The following MCTP1 variants were observed in gnomAD, a reference collection of about 807,000 sequenced individuals.
The protein encoded by MCTP1 is multiple C2 and transmembrane domain containing 1.
A neutral mutation model predicts 120.6 loss-of-function variants in MCTP1; 69 were observed. The observed-to-expected ratio is 0.57, with a 90% CI of 0.47 to 0.70. The LOEUF (loss-of-function observed/expected upper bound fraction) is 0.70, where lower values mean the gene tolerates loss of function less well. Ranked by LOEUF, MCTP1 falls within the 30% of genes least tolerant of loss-of-function variation. The pLI, the probability that MCTP1 is intolerant of heterozygous loss-of-function variation, is 0.00. For missense variants in MCTP1, 1,203 were observed against 1,248.8 expected, an observed-to-expected ratio of 0.96 and a Z score of 0.55; for synonymous variants, 529 against 493.1, an observed-to-expected ratio of 1.07 and a Z score of -0.96.
intron 1 of MCTP1, among the ~76,000 whole-genome samples, chr5:95,257,889 G>A (rs1562283162): frequency 6.6e-6 from 1 of 151,826 alleles, no homozygotes; most frequent in Admixed American, 6.6e-5. Context: ...AATGGCCTGT[G>A]CCAGAACAAT....
At chr5:95,203,081 T>C (rs895930890) in intron 1 of MCTP1, among the ~76,000 whole-genome samples, 4 of 152,190 alleles carry the variant, frequency 2.6e-5, no homozygotes, top group African/African-American at 9.7e-5. Context: ...CTTTCTTTGA[T>C]TATTTCCTCT....
At chr5:94,915,208 G>A (rs1262532816) in intron 8 of MCTP1, among the ~76,000 whole-genome samples, 1 of 152,200 alleles carries the variant, frequency 6.6e-6, no homozygotes, top group Non-Finnish European at 1.5e-5. Flanking sequence ...AGAAGGCAAG[G>A]CTTCTTAGCC....
chr5:95,110,828 T>C (rs1197481543), intron 1 of MCTP1, among the ~76,000 whole-genome samples: 2 of 152,132 alleles, frequency 1.3e-5, no homozygotes, highest in Non-Finnish European at 2.9e-5. Context: ...AGTCTACCAA[T>C]ATTGGGGATG....
At chr5:95,078,541 T>C (rs184083107) in intron 1 of MCTP1, among the ~76,000 whole-genome samples, 27 of 152,292 alleles carry the variant, frequency 1.8e-4, no homozygotes, top group Admixed American at 1.2e-3. Context: ...ATATTTCTGG[T>C]TCATAAAGGC....
intron 1 of MCTP1, among the ~76,000 whole-genome samples, chr5:95,245,750 C>T (rs928702796): frequency 2.6e-5 from 4 of 152,128 alleles, no homozygotes; most frequent in Non-Finnish European, 5.9e-5. Context: ...AGCTAGAAAA[C>T]GCTCTTCAGG....
At chr5:94,958,910 A>G (rs913961647) in intron 2 of MCTP1, among the ~76,000 whole-genome samples, 43 of 152,178 alleles carry the variant, frequency 2.8e-4, no homozygotes, top group Admixed American at 6.5e-4. Context: ...TTCCTCCCCA[A>G]TTCATTTTAT....
At chr5:94,752,210 G>T (rs1768639052) in intron 19 of MCTP1, among the ~76,000 whole-genome samples, 1 of 143,550 alleles carries the variant, frequency 7.0e-6, no homozygotes, top group Non-Finnish European at 1.5e-5. Context: ...TGCGTGTTTG[G>T]CAGGAGAGTC....
chr5:95,020,289 T>C (rs374190797), intron 1 of MCTP1, among the ~76,000 whole-genome samples: 132 of 152,190 alleles, frequency 8.7e-4, no homozygotes, highest in African/African-American at 2.9e-3. Flanking sequence ...TATTATACTT[T>C]ATGTGCAGGT....
chr5:95,106,814 A>G (rs1427375033), intron 1 of MCTP1, among the ~76,000 whole-genome samples: 1 of 152,214 alleles, frequency 6.6e-6, no homozygotes, highest in African/African-American at 2.4e-5. Context: ...CGTTGACTCC[A>G]TCTAACTGAT....
rs1760635232 is a variant in MCTP1, at chr5:95,285,020, G to A, written c.-445C>T. Among the ~76,000 whole-genome samples, 1 of 152,164 alleles carries A rather than the reference G, an allele frequency of 6.6e-6. No individual in the cohort carries two copies. Among genetic ancestry groups the A allele is most frequent in the Admixed American group, 6.5e-5 (1 of 15,290 alleles). ...CAGGGACCGCACCCGGCGCCCTCTG[G>A]GCAGCACCTGTCAGCGGCGGGGGCG... On this transcript the variant is annotated 5_prime_UTR_variant, in exon 1 of 23. Transcript: ENST00000515393.
At chr5:95,163,149 G>A (rs1348129618) in intron 1 of MCTP1, among the ~76,000 whole-genome samples, 1 of 151,980 alleles carries the variant, frequency 6.6e-6, no homozygotes, top group East Asian at 1.9e-4. Flanking sequence ...TTTTTATTTA[G>A]AGTTAGGAGT....
intron 10 of MCTP1, among the ~76,000 whole-genome samples, chr5:94,897,222 C>G (rs969013203): frequency 1.0e-4 from 15 of 147,930 alleles, no homozygotes; most frequent in African/African-American, 3.8e-4. Flanking sequence ...GCCACCAGGC[C>G]TGGCTAATTT....
At chr5:94,932,285 G>A (rs1814945995) in intron 5 of MCTP1, among the ~76,000 whole-genome samples, 1 of 148,760 alleles carries the variant, frequency 6.7e-6, no homozygotes, top group African/African-American at 2.5e-5. Context: ...AACACATTGA[G>A]TCTCATAATT....
At chr5:94,969,716 G>A (rs1363115991) in intron 2 of MCTP1, among the ~76,000 whole-genome samples, 1 of 152,082 alleles carries the variant, frequency 6.6e-6, no homozygotes, top group African/African-American at 2.4e-5. Context: ...AATATTTAAA[G>A]CTAGCTACCT....
At chr5:94,783,075 C>A (rs898964210) in intron 18 of MCTP1, among the ~76,000 whole-genome samples, 3 of 151,988 alleles carry the variant, frequency 2.0e-5, no homozygotes, top group Non-Finnish European at 4.4e-5. Flanking sequence ...TCGCTCGTCA[C>A]AGACTTATGT....
chr5:94,775,238 A>G (rs1325504702), intron 19 of MCTP1, among the ~76,000 whole-genome samples: 1 of 152,212 alleles, frequency 6.6e-6, no homozygotes, highest in Non-Finnish European at 1.5e-5. Flanking sequence ...ATTTGAATCC[A>G]TGCTTTTTCT....
At chr5:94,747,446 G>T (rs1767173665) in intron 19 of MCTP1, among the ~76,000 whole-genome samples, 1 of 151,912 alleles carries the variant, frequency 6.6e-6, no homozygotes, top group African/African-American at 2.4e-5. Flanking sequence ...TTCTGTAAAG[G>T]GCTAAATAGT....
intron 1 of MCTP1, among the ~76,000 whole-genome samples, chr5:95,087,069 T>A (rs1755491325): frequency 6.6e-6 from 1 of 152,208 alleles, no homozygotes; most frequent in African/African-American, 2.4e-5. Flanking sequence ...AAAGGGCTCC[T>A]GATCTAGAAA....
chr5:95,246,296 C>A (rs1205998031), intron 1 of MCTP1, among the ~76,000 whole-genome samples: 1 of 152,128 alleles, frequency 6.6e-6, no homozygotes, highest in Non-Finnish European at 1.5e-5. Flanking sequence ...CAGCTAACAT[C>A]ATAATGACAG....
Sources: allele counts gnomAD v4.1 joint callset (sites outside exome capture counted in the v4.1 genomes callset), GRCh38; gene constraint gnomAD v4.1.1; transcripts MANE v1.5; gene names NCBI Gene and HGNC (gene_info 2026-07-23, HGNC 2026-07-21).